The following PCDHA5 variants were observed in gnomAD, a reference collection of about 807,000 sequenced individuals.
PCDHA5 encodes the protein protocadherin alpha-5.
Under a neutral mutation model 61.6 loss-of-function variants are expected in PCDHA5, and 43 were observed. The ratio of observed to expected loss-of-function variants is 0.70; its 90% CI spans 0.55 to 0.90. The LOEUF is 0.90. Among genes scored for constraint, PCDHA5 ranks in the 40% least tolerant of loss-of-function variants. The pLI is 0.00. For missense variants in PCDHA5, 1,298 were observed against 1,222.7 expected (o/e 1.06, Z -0.92); for synonymous variants, 627 against 543.9 (o/e 1.15, Z -2.13).
At chr5:140,910,137 T>A (rs2074898699) in intron 1 of PCDHA5, among the ~76,000 whole-genome samples, 1 of 152,232 alleles carries the variant, frequency 6.6e-6, no homozygotes, top group Non-Finnish European at 1.5e-5. Flanking sequence ...CTGGTTTAAG[T>A]CTGGAAATTG....
At chr5:140,845,700 G>T (rs994276971) in intron 1 of PCDHA5, among the ~76,000 whole-genome samples, 1 of 149,282 alleles carries the variant, frequency 6.7e-6, no homozygotes, top group African/African-American at 2.5e-5. Context: ...CAGTTCCTTG[G>T]CATTATATGT....
At chr5:140,896,033 A>G (rs994719566) in intron 1 of PCDHA5, among the ~76,000 whole-genome samples, 2 of 151,874 alleles carry the variant, frequency 1.3e-5, no homozygotes, top group East Asian at 1.9e-4. Flanking sequence ...CTGGTCTCGA[A>G]CTCCTGACCT....
intron 1 of PCDHA5, among the ~76,000 whole-genome samples, chr5:140,838,075 A>AGTGTGTGTGTGTGTG (rs781914509): frequency 1.6e-5 from 2 of 128,136 alleles, no homozygotes; most frequent in South Asian, 5.3e-4. Context: ...TTATATATAT[A>AGTGTGTGTGTGTGTG]TAGTGTGTGT....
chr5:140,853,149 G>C, intron 1 of PCDHA5: 1 of 844,586 alleles, frequency 1.2e-6, no homozygotes, highest in Non-Finnish European at 1.5e-6. Flanking sequence ...AAAATGCTGG[G>C]ATTACAGGCG....
At chr5:140,882,201 C>T in intron 1 of PCDHA5, 1 of 1,528,460 alleles carries the variant, frequency 6.5e-7, no homozygotes, top group Non-Finnish European at 8.8e-7. Context: ...AAAATTGGGC[C>T]TTGAGAGACA....
chr5:140,842,293 C>T, intron 1 of PCDHA5: 1 of 1,609,994 alleles, frequency 6.2e-7, no homozygotes, highest in South Asian at 1.1e-5. Flanking sequence ...ACGCCACGGA[C>T]AAAGGCCATC....
rs182070121 is a variant in PCDHA5, at chr5:140,953,927, G to A, written c.2353-25022G>A. On this transcript the variant is annotated intron_variant, in intron 1 of 3. Coordinates refer to ENST00000529859, the MANE Select transcript of PCDHA5 (RefSeq NM_018908.3). ...GCATCCATTAGGTATTCTTCCTGAT[G>A]CTCTCCCTCCCATTGCTCCCCCAAC... Among the ~76,000 whole-genome samples the A allele has an allele frequency of 2.1e-3, 313 of 152,142 alleles. 1 individual carries two copies. The highest frequency in any genetic ancestry group is 7.1e-3 in the African/African-American group (295 of 41,500).
At chr5:140,829,107 G>C (rs1554131755) in intron 1 of PCDHA5, 2 of 1,612,092 alleles carry the variant, frequency 1.2e-6, no homozygotes, top group Admixed American at 3.3e-5. Context: ...GTTTTAGTGA[G>C]AATTTTGGAT....
At chr5:140,828,295 C>CA in intron 1 of PCDHA5, 1 of 1,614,124 alleles carries the variant, frequency 6.2e-7, no homozygotes, top group Non-Finnish European at 8.5e-7. Context: ...GGATGGCCTC[C>CA]AAAGACCGCG....
At chr5:140,996,695 A>G (rs1207094122) in intron 3 of PCDHA5, among the ~76,000 whole-genome samples, 1 of 152,088 alleles carries the variant, frequency 6.6e-6, no homozygotes, top group East Asian at 1.9e-4. Context: ...ATTCTTCTGA[A>G]CCTCTATCTC....
At chr5:140,840,887 T>C (rs1359040754) in intron 1 of PCDHA5, among the ~76,000 whole-genome samples, 2 of 151,984 alleles carry the variant, frequency 1.3e-5, no homozygotes, top group Non-Finnish European at 2.9e-5. Flanking sequence ...ATTTCTGATA[T>C]CCATGACATA....
intron 1 of PCDHA5, among the ~76,000 whole-genome samples, chr5:140,941,194 TCTTTCTTCCTTTCTTTCTTCCTTTC>T (rs1257521577): frequency 8.9e-6 from 1 of 112,354 alleles, no homozygotes; most frequent in Admixed American, 9.1e-5. Context: ...TCTTTTTTTT[TCTTTCTTCCTTTCTTTCTTCCTTTC>T]TTTCTTTCTT....
intron 1 of PCDHA5, chr5:140,968,442 T>G (rs1245424149): frequency 3.1e-6 from 5 of 1,613,950 alleles, no homozygotes; most frequent in Non-Finnish European, 4.2e-6. Context: ...AGCCCACCAC[T>G]GAGCAGCACT....
At chr5:141,000,347 C>T (rs1587871994) in intron 3 of PCDHA5, among the ~76,000 whole-genome samples, 1 of 114,796 alleles carries the variant, frequency 8.7e-6, no homozygotes, top group Non-Finnish European at 1.8e-5. Flanking sequence ...CTATCTCTCT[C>T]TCTGTCTCTC....
chr5:140,839,258 G>A (rs1776122632), intron 1 of PCDHA5, among the ~76,000 whole-genome samples: 1 of 151,954 alleles, frequency 6.6e-6, no homozygotes, highest in Non-Finnish European at 1.5e-5. Flanking sequence ...ATGCTTACAT[G>A]CATGTATATT....
At chr5:140,995,924 G>T (rs998405229) in intron 3 of PCDHA5, among the ~76,000 whole-genome samples, 2 of 152,308 alleles carry the variant, frequency 1.3e-5, no homozygotes, top group African/African-American at 4.8e-5. Flanking sequence ...ATAGGCTGTT[G>T]TAAGTATTAA....
chr5:140,990,427 AC>A (rs1488981685), intron 3 of PCDHA5, among the ~76,000 whole-genome samples: 5 of 152,174 alleles, frequency 3.3e-5, no homozygotes, highest in African/African-American at 1.2e-4. Flanking sequence ...ACCAGCATTG[AC>A]CCAATCTTGT....
At chr5:140,856,761 C>G (rs377564040) in intron 1 of PCDHA5, 2 of 1,596,598 alleles carry the variant, frequency 1.3e-6, no homozygotes, top group South Asian at 2.2e-5. Context: ...AATGATAACG[C>G]CCCTATCTTT....
At chr5:140,977,784 A>G (rs1284023783) in intron 1 of PCDHA5, among the ~76,000 whole-genome samples, 1 of 152,366 alleles carries the variant, frequency 6.6e-6, no homozygotes, top group East Asian at 1.9e-4. Context: ...TAAAGGAACT[A>G]TATGAATGAT....
Sources: allele counts gnomAD v4.1 joint callset (sites outside exome capture counted in the v4.1 genomes callset), GRCh38; gene constraint gnomAD v4.1.1; transcripts MANE v1.5; gene names NCBI Gene and HGNC (gene_info 2026-07-23, HGNC 2026-07-21).